SGCZ: variants seen among roughly 807,000 people sequenced by gnomAD.
The protein encoded by SGCZ is sarcoglycan zeta, also known as zeta-sarcoglycan.
In SGCZ, 40 loss-of-function variants were observed where a neutral mutation model predicts 41.3. The ratio of observed to expected loss-of-function variants is 0.97; its 90% CI spans 0.75 to 1.26. The LOEUF (loss-of-function observed/expected upper bound fraction) is 1.26. Ranked by LOEUF, SGCZ falls within the 50% of genes most tolerant of loss-of-function variation. The pLI, the probability that SGCZ is intolerant of heterozygous loss-of-function variation, is 0.00. For synonymous variants in SGCZ, 206 were observed against 137.5 expected (o/e 1.50, Z -3.49); for missense variants, 552 against 369.8 (o/e 1.49, Z -4.04).
chr8:14,687,277 T>G (rs1245623976), intron 1 of SGCZ, among the ~76,000 whole-genome samples: 1 of 151,342 alleles, frequency 6.6e-6, no homozygotes, highest in Non-Finnish European at 1.5e-5. Flanking sequence ...TTGTGCCATG[T>G]TGGTGTGCTG....
intron 3 of SGCZ, among the ~76,000 whole-genome samples, chr8:14,293,352 A>T (rs1383410748): frequency 6.6e-6 from 1 of 152,030 alleles, no homozygotes; most frequent in African/African-American, 2.4e-5. Flanking sequence ...AGTAGAATAG[A>T]ATTCCAGAGA....
chr8:14,364,581 C>T (rs55967710), intron 2 of SGCZ, among the ~76,000 whole-genome samples: 10,240 of 152,048 alleles, frequency 0.067, 1,036 homozygotes, highest in African/African-American at 0.22. Flanking sequence ...TATATCATTG[C>T]TTTTATTTAC....
intron 2 of SGCZ, among the ~76,000 whole-genome samples, chr8:14,552,016 G>A (rs1018208085): frequency 1.8e-4 from 27 of 151,778 alleles, no homozygotes; most frequent in African/African-American, 6.3e-4. Flanking sequence ...CCCTGTGTTG[G>A]ATACAATAGT....
chr8:15,031,672 G>A (rs1488201868), intron 1 of SGCZ, among the ~76,000 whole-genome samples: 1 of 152,144 alleles, frequency 6.6e-6, no homozygotes, highest in African/African-American at 2.4e-5. Context: ...CTGTACAACA[G>A]AGCCTTGCTG....
intron 1 of SGCZ, among the ~76,000 whole-genome samples, chr8:14,724,437 A>C (rs1319146570): frequency 6.6e-6 from 1 of 151,916 alleles, no homozygotes; most frequent in Non-Finnish European, 1.5e-5. Flanking sequence ...GCAAAATCTT[A>C]ATTAAACTAT....
At chr8:14,476,075 G>T (rs917262510) in intron 2 of SGCZ, among the ~76,000 whole-genome samples, 1 of 152,026 alleles carries the variant, frequency 6.6e-6, no homozygotes, top group Non-Finnish European at 1.5e-5. Context: ...AAAGTATTGG[G>T]ATTACTGGTG....
At chr8:14,729,010 T>A (rs1810146837) in intron 1 of SGCZ, among the ~76,000 whole-genome samples, 1 of 152,200 alleles carries the variant, frequency 6.6e-6, no homozygotes, top group South Asian at 2.1e-4. Context: ...GTTTTAAAAT[T>A]ACTCTTTGTA....
intron 1 of SGCZ, among the ~76,000 whole-genome samples, chr8:14,978,894 G>A (rs191380237): frequency 1.3e-5 from 2 of 152,222 alleles, no homozygotes; most frequent in East Asian, 3.9e-4. Context: ...TGCCTCCCAG[G>A]CTCAAGACAT....
chr8:14,874,129 T>C (rs1342191912), intron 1 of SGCZ, among the ~76,000 whole-genome samples: 2 of 152,184 alleles, frequency 1.3e-5, no homozygotes, highest in South Asian at 2.1e-4. Flanking sequence ...AGTTCAGTAG[T>C]TTGAGAACTT....
intron 4 of SGCZ, among the ~76,000 whole-genome samples, chr8:14,212,872 A>T (rs1339289268): frequency 6.6e-6 from 1 of 152,134 alleles, no homozygotes; most frequent in Non-Finnish European, 1.5e-5. Context: ...GAGTTTATTT[A>T]AAAATACCAA....
intron 2 of SGCZ, among the ~76,000 whole-genome samples, chr8:14,526,662 G>A (rs569682576): frequency 6.6e-6 from 1 of 152,044 alleles, no homozygotes; most frequent in East Asian, 1.9e-4. Context: ...GTTACTCAGG[G>A]CATATTTCAG....
At chr8:15,203,011 G>C (rs1465742148) in intron 1 of SGCZ, among the ~76,000 whole-genome samples, 1 of 152,052 alleles carries the variant, frequency 6.6e-6, no homozygotes, top group Non-Finnish European at 1.5e-5. Flanking sequence ...TTGGGAGGCT[G>C]TGGTGGGAGA....
chr8:14,597,761 G>C (rs889011233), intron 1 of SGCZ, among the ~76,000 whole-genome samples: 2 of 152,166 alleles, frequency 1.3e-5, no homozygotes, highest in African/African-American at 4.8e-5. Flanking sequence ...ACAGGTGTGA[G>C]CCACTGCACC....
intron 4 of SGCZ, among the ~76,000 whole-genome samples, chr8:14,177,819 C>G (rs1005019239): frequency 1.3e-5 from 2 of 150,844 alleles, no homozygotes; most frequent in Non-Finnish European, 3.0e-5. Context: ...CCACTGCGCC[C>G]GGCCCTCTGT....
intron 3 of SGCZ, among the ~76,000 whole-genome samples, chr8:14,316,129 C>T (rs1278333865): frequency 1.3e-5 from 2 of 151,516 alleles, no homozygotes; most frequent in Admixed American, 6.6e-5. Flanking sequence ...ACAAGTAATC[C>T]TATGTTATTA....
At chr8:14,803,354 C>T (rs544383238) in intron 1 of SGCZ, among the ~76,000 whole-genome samples, 27 of 152,158 alleles carry the variant, frequency 1.8e-4, no homozygotes, top group African/African-American at 6.3e-4. Context: ...ACAGTGGGCG[C>T]AGGTCAGTGG....
intron 1 of SGCZ, among the ~76,000 whole-genome samples, chr8:15,201,470 T>A (rs1476311334): frequency 6.6e-6 from 1 of 152,216 alleles, no homozygotes; most frequent in Non-Finnish European, 1.5e-5. Flanking sequence ...ACTTCACAGG[T>A]AAAGAGCTAC....
At chr8:14,973,161 G>A (rs932734313) in intron 1 of SGCZ, among the ~76,000 whole-genome samples, 1 of 152,164 alleles carries the variant, frequency 6.6e-6, no homozygotes, top group African/African-American at 2.4e-5. Flanking sequence ...CCTTCAGGGT[G>A]TAAATCTTTT....
At chr8:14,140,495 C>A (rs1325140573) in intron 5 of SGCZ, among the ~76,000 whole-genome samples, 1 of 152,072 alleles carries the variant, frequency 6.6e-6, no homozygotes, top group Non-Finnish European at 1.5e-5. Flanking sequence ...AATCAATGTA[C>A]AAAAATCACA....
Sources: gnomAD v4.1 joint callset for allele counts (sites outside exome capture counted in the v4.1 genomes callset) on GRCh38, gnomAD v4.1.1 for gene constraint, MANE v1.5 for transcripts, NCBI Gene and HGNC (gene_info 2026-07-23, HGNC 2026-07-21) for gene names.